The following TGFB3 variants were observed in gnomAD, a reference collection of about 807,000 sequenced individuals.
The protein encoded by TGFB3 is transforming growth factor beta-3 proprotein.
TGFB3 carries 5 observed loss-of-function variants against 40.1 expected under a neutral mutation model. That is an observed-to-expected ratio of 0.12 (90% CI 0.07 to 0.26). The LOEUF is 0.26. Ranked by LOEUF, TGFB3 falls within the 10% of genes least tolerant of loss-of-function variation. TGFB3 has a pLI of 1.00. For missense variants in TGFB3, 373 were observed against 530.1 expected (o/e 0.70, Z 2.91); for synonymous variants, 184 against 205.6 (o/e 0.89, Z 0.90).
At chr14:75,977,306 A>T (rs1457561272) in intron 1 of TGFB3, among the ~76,000 whole-genome samples, 1 of 152,196 alleles carries the variant, frequency 6.6e-6, no homozygotes, top group African/African-American at 2.4e-5. Flanking sequence ...TGTAAGAGGG[A>T]TGACAACGGA....
chr14:75,972,596 G>T (rs2035306639), intron 1 of TGFB3, among the ~76,000 whole-genome samples: 2 of 152,164 alleles, frequency 1.3e-5, no homozygotes, highest in South Asian at 4.1e-4. Flanking sequence ...TTGAGGATGG[G>T]GAGGAAAGAA....
At chr14:75,976,219 G>C (rs2035352039) in intron 1 of TGFB3, among the ~76,000 whole-genome samples, 3 of 152,108 alleles carry the variant, frequency 2.0e-5, no homozygotes, top group Non-Finnish European at 4.4e-5. Context: ...TCTCTACCCT[G>C]GCTGCACATT....
At chr14:75,977,320 A>G (rs530870718) in intron 1 of TGFB3, among the ~76,000 whole-genome samples, 1 of 152,312 alleles carries the variant, frequency 6.6e-6, no homozygotes, top group South Asian at 2.1e-4. Context: ...CAACGGAAGT[A>G]AAAAAGCTGT....
At chr14:75,963,569 A>G (rs1300333698) in intron 4 of TGFB3, 82 bp from the exon 5 acceptor site, 2 of 1,550,778 alleles carry the variant, frequency 1.3e-6, no homozygotes, top group Non-Finnish European at 1.8e-6. Flanking sequence ...ACGCCCCATC[A>G]CTGCCCAGGA....
At position 75,959,166 on chromosome 14, in the gene TGFB3, C is replaced by T; in HGVS notation, c.*21G>A. The stretch of plus-strand genomic sequence containing the variant: ...AGGCAGTGGTGGTTCTCTCTCCCCT[C>T]TCTCTGTCGCACGTGGGGTCTCAGC... On this transcript the variant is annotated 3_prime_UTR_variant, in exon 7 of 7. Transcript: ENST00000238682. The T allele has an allele frequency of 6.2e-7, 1 of 1,614,120 alleles. No homozygotes were observed. The highest frequency in any genetic ancestry group is 8.5e-7 in the Non-Finnish European group (1 of 1,179,988).
chr14:75,972,480 C>T (rs532492455), intron 1 of TGFB3, among the ~76,000 whole-genome samples: 14 of 152,120 alleles, frequency 9.2e-5, no homozygotes, highest in South Asian at 4.2e-4. Flanking sequence ...GTGAGGGGAG[C>T]GACAGGAAAC....
intron 3 of TGFB3, among the ~76,000 whole-genome samples, chr14:75,969,210 A>G (rs1377635438): frequency 2.0e-5 from 3 of 152,202 alleles, no homozygotes; most frequent in Non-Finnish European, 4.4e-5. Flanking sequence ...TGCCTAAAAC[A>G]CCAAGGACTT....
At chr14:75,969,188 T>C (rs1314270175) in intron 3 of TGFB3, among the ~76,000 whole-genome samples, 1 of 152,202 alleles carries the variant, frequency 6.6e-6, no homozygotes, top group Non-Finnish European at 1.5e-5. Flanking sequence ...CCTTTGAGCT[T>C]TAACTCTTAG....
At chr14:75,976,329 C>G (rs1594790223) in intron 1 of TGFB3, among the ~76,000 whole-genome samples, 1 of 152,124 alleles carries the variant, frequency 6.6e-6, no homozygotes, top group Non-Finnish European at 1.5e-5. Flanking sequence ...ATATTTTTTT[C>G]AAGATCTCCA....
Position 75,958,204 on chromosome 14 carries a change from A to G in TGFB3, c.*983T>C, listed in dbSNP as rs2035109276. The stretch of plus-strand genomic sequence containing the variant: ...TTTATACAAAGATTTTGAGAGTAAT[A>G]TTCATACTTGTCTTTATACCTCAGT... On this transcript the variant is annotated 3_prime_UTR_variant, in exon 7 of 7. Transcript: ENST00000238682. 1 of 152,788 alleles carries G rather than the reference A, an allele frequency of 6.5e-6. No homozygotes were observed. Among genetic ancestry groups the G allele is most frequent in the East Asian group, 1.9e-4 (1 of 5,190 alleles). The allele number at this position is 152,788 out of a possible 1,614,324, so 9.5% of individuals were successfully genotyped here.
Position 75,980,694 on chromosome 14 carries a change from T to A in TGFB3, c.200A>T (p.Tyr67Phe), listed in dbSNP as rs759038232. ...PEPTVMTHVP[Y>F]QVLALYNSTR... ...GCTGTTGTAAAGGGCCAGGACCTGA[T>A]AGGGGACGTGGGTCATCACCGTTGG... Residue 67 changes from tyrosine (Y) to phenylalanine (F), a missense_variant, in exon 1 of 7, where the codon TAT becomes TTT. Transcript: ENST00000238682. The surrounding 1 kb of genome is among the most constrained non-coding windows in gnomAD (Gnocchi z 4.3). 2 of 1,614,186 alleles carry A rather than the reference T, an allele frequency of 1.2e-6. No homozygotes were observed. The highest frequency in any genetic ancestry group is 1.3e-5 in the African/African-American group (1 of 75,036).
At chr14:75,965,747 G>A in intron 3 of TGFB3, 52 bp from the exon 4 acceptor site, 7 of 1,447,050 alleles carry the variant, frequency 4.8e-6, no homozygotes, top group Middle Eastern at 1.7e-4. Context: ...TGATGGGGAA[G>A]TGTGCCCACC....
chr14:75,976,180 G>A (rs1461649139), intron 1 of TGFB3, among the ~76,000 whole-genome samples: 1 of 152,188 alleles, frequency 6.6e-6, no homozygotes, highest in African/African-American at 2.4e-5. Context: ...TTCTAGTGAA[G>A]GGACTATATT....
In TGFB3 at chr14:75,960,088, G is replaced by A. The variant is rs181774727; in HGVS notation, c.1081-743C>T. Among the ~76,000 whole-genome samples the A allele has an allele frequency of 3.7e-3, 561 of 151,848 alleles. 3 individuals carry two copies. Among genetic ancestry groups the A allele is most frequent in the Middle Eastern group, 6.8e-3 (2 of 292 alleles). On this transcript the variant is annotated intron_variant, in intron 6 of 6. Transcript: ENST00000238682. ...CTCCCAAGTAGCTGGGATTACAAGC[G>A]CGTGCCACCACACCCGGCTAATTTT...
At position 75,981,123 on chromosome 14, in the gene TGFB3, T is replaced by G. The variant is rs2035426509; in HGVS notation, c.-230A>C. On this transcript the variant is annotated 5_prime_UTR_variant, in exon 1 of 7. Coordinates refer to ENST00000238682, the MANE Select transcript of TGFB3 (RefSeq NM_003239.5). This position sits in a 1 kb window ranked among gnomAD's most constrained non-coding sequence, Gnocchi z 4.7. ...GACTGTGTGCCTTGTAGCGCTGGGATTCTTGTCCATGTGTCTAAACAGGTT... is the reference window on the plus strand; with the variant it reads ...GACTGTGTGCCTTGTAGCGCTGGGAGTCTTGTCCATGTGTCTAAACAGGTT... 4 of 572,862 alleles carry G rather than the reference T, an allele frequency of 7.0e-6. No individual in the cohort carries two copies. Among genetic ancestry groups the G allele is most frequent in the South Asian group, 5.9e-5 (3 of 50,846 alleles). The allele number at this position is 572,862 out of a possible 1,614,324, so 35.5% of individuals were successfully genotyped here.
At position 75,980,189 on chromosome 14, in the gene TGFB3, C is replaced by T. The variant is rs967493339; in HGVS notation, c.352+353G>A. 1.3e-5 allele frequency among the ~76,000 whole-genome samples: 2 copies of T among 152,208 alleles called. No homozygotes were observed. Among genetic ancestry groups the T allele is most frequent in the Non-Finnish European group, 2.9e-5 (2 of 68,020 alleles). ...AGCCGGCCTTCCCCTTTATGGCACC[C>T]AGATGCTTACAGTTACTGATACGAT... On this transcript the variant is annotated intron_variant, in intron 1 of 6. Transcript: ENST00000238682. This position sits in a 1 kb window ranked among gnomAD's most constrained non-coding sequence, Gnocchi z 4.3.
rs930728913 is a variant in TGFB3, at chr14:75,979,473, C to A, written c.352+1069G>T. On this transcript the variant is annotated intron_variant, in intron 1 of 6. Coordinates refer to ENST00000238682, the MANE Select transcript of TGFB3 (RefSeq NM_003239.5). The surrounding 1 kb of genome is among the most constrained non-coding windows in gnomAD (Gnocchi z 4.8). ...GTAGGAAAAGCAAACAGAGCTGCTC[C>A]CGGAGTCTACGGCCCACGAGTGGCT... Among the ~76,000 whole-genome samples the A allele has an allele frequency of 6.6e-6, 1 of 152,170 alleles. No homozygotes were observed. The highest frequency in any genetic ancestry group is 2.4e-5 in the African/African-American group (1 of 41,442).
At chr14:75,975,391 A>G (rs867552669) in intron 1 of TGFB3, among the ~76,000 whole-genome samples, 1 of 104,338 alleles carries the variant, frequency 9.6e-6, no homozygotes, top group East Asian at 2.6e-4. Flanking sequence ...AAAATTAATT[A>G]AAAAAAAGAA....
chr14:75,966,024 A>G (rs2035217283), intron 3 of TGFB3: 1 of 375,686 alleles, frequency 2.7e-6, no homozygotes, highest in Non-Finnish European at 5.1e-6. Flanking sequence ...CTTGGAGGCA[A>G]AAGTACACAG....
Sources: gnomAD v4.1 joint callset for allele counts (sites outside exome capture counted in the v4.1 genomes callset) on GRCh38, gnomAD v4.1.1 for gene constraint, Gnocchi (gnomAD v3.1) non-coding constraint, MANE v1.5 for transcripts, NCBI Gene and HGNC (gene_info 2026-07-23, HGNC 2026-07-21) for gene names.